Variants in PRDM11 observed in about 807,000 individuals in gnomAD.
PRDM11 encodes the protein PR/SET domain 11.
A neutral mutation model predicts 97.8 loss-of-function variants in PRDM11; 20 were observed. The ratio of observed to expected loss-of-function variants is 0.20; its 90% CI spans 0.14 to 0.30. The LOEUF (loss-of-function observed/expected upper bound fraction) is 0.30, where lower values mean the gene tolerates loss of function less well. Among genes scored for constraint, PRDM11 ranks in the 10% least tolerant of loss-of-function variants. PRDM11 has a pLI of 1.00. For missense variants in PRDM11, 1,139 were observed against 1,555.2 expected (o/e 0.73, Z 4.50); for synonymous variants, 599 against 637.7 (o/e 0.94, Z 0.91).
At position 45,181,814 on chromosome 11, in the gene PRDM11, G is replaced by A; in HGVS notation, c.48G>A (p.Val16=). The change falls in exon 2 of 8, where the codon GTG becomes GTA. Residue 16 remains valine, a synonymous_variant. Transcript: ENST00000683152. ...GCTTGGCCCAGACCAATGCAGCCGT[G>A]GGGGATATGGTGACGGTGGTGAAGA... is the stretch of plus-strand genomic sequence containing the variant. ...KECLAQTNAA[V]GDMVTVVKTE... is the part of the protein sequence containing the mutation. 6.2e-7 allele frequency: 1 copy of A among 1,613,608 alleles called. No homozygotes were observed. The highest frequency in any genetic ancestry group is 8.5e-7 in the Non-Finnish European group (1 of 1,179,952).
At chr11:45,170,832 G>A (rs1238751538) in intron 1 of PRDM11, among the ~76,000 whole-genome samples, 4 of 152,156 alleles carry the variant, frequency 2.6e-5, no homozygotes, top group African/African-American at 9.7e-5. Context: ...GGGAGTAGTG[G>A]CTTAGAGCAG....
intron 1 of PRDM11, among the ~76,000 whole-genome samples, chr11:45,179,499 C>T (rs1355796746): frequency 2.0e-5 from 3 of 152,206 alleles, no homozygotes; most frequent in Non-Finnish European, 4.4e-5. Context: ...GATGGGGGTG[C>T]TTAAACAACA....
At chr11:45,197,478 G>A (rs1159152087) in intron 4 of PRDM11, among the ~76,000 whole-genome samples, 3 of 152,108 alleles carry the variant, frequency 2.0e-5, no homozygotes, top group Non-Finnish European at 4.4e-5. Context: ...TGCTAAAAGG[G>A]TAGATCTTAT....
rs1341986528 is a variant in PRDM11, at chr11:45,224,602, C to G, written c.1128C>G (p.Gly376=). The stretch of plus-strand genomic sequence containing the variant: ...CCCAGGGGGTCTCCAAGGAGCCAGG[C>G]CAATTGGAGGATGAAGAAGAGGAGC... The part of the protein sequence containing the change: ...KVPQGVSKEP[G]QLEDEEEEPS... The change falls in exon 7 of 8, where the codon GGC becomes GGG. Residue 376 remains glycine (G), a synonymous_variant. Transcript: ENST00000683152. The G allele has an allele frequency of 6.2e-7, 1 of 1,613,946 alleles. No individual in the cohort carries two copies. The highest frequency in any genetic ancestry group is 1.3e-5 in the African/African-American group (1 of 74,884).
At position 45,106,458 on chromosome 11, in the gene PRDM11, A is replaced by G. The variant is rs3824893; in HGVS notation, c.96+10557A>G. Reference sequence around the variant, plus strand: ...CTCACGAGCTAGATGTTCTAGTTATACTGCTATGCTACAAACCACCCCAAA... The same window carrying G: ...CTCACGAGCTAGATGTTCTAGTTATGCTGCTATGCTACAAACCACCCCAAA... On this transcript the variant is annotated intron_variant, in intron 1 of 6. Coordinates refer to the PRDM11 transcript ENST00000530656. Among the ~76,000 whole-genome samples, 53 of 152,180 alleles carry G rather than the reference A, an allele frequency of 3.5e-4. No individual in the cohort carries two copies. The East Asian group carries it at 4.2e-3, about 12-fold the overall frequency.
In PRDM11 at chr11:45,171,908, A is replaced by T. The variant is rs180834837; in HGVS notation, c.-6-9853A>T. Among the ~76,000 whole-genome samples the T allele has an allele frequency of 4.6e-5, 7 of 152,112 alleles. No individual in the cohort carries two copies. In the East Asian group the frequency reaches 1.4e-3, roughly 29 times the overall value. ...TCTCCAACCCAACTGGGTGTCCAAC[A>T]ATTCAATTCAATTCAATTCTGTAAC... On this transcript the variant is annotated intron_variant, in intron 1 of 7. Transcript: ENST00000683152.
intron 1 of PRDM11, among the ~76,000 whole-genome samples, chr11:45,137,134 G>GC (rs1365706204): frequency 6.6e-6 from 1 of 151,284 alleles, no homozygotes; most frequent in Non-Finnish European, 1.5e-5. Context: ...CTGCACTTCA[G>GC]CCTGGGCGAG....
In PRDM11 at chr11:45,205,246, G is replaced by T. The variant is rs144159129; in HGVS notation, c.554+468G>T. On this transcript the variant is annotated intron_variant, in intron 5 of 7. Transcript: ENST00000683152. Reference sequence around the variant, plus strand: ...TTTGACAGTGTTGCTGCCTATGTTTGAGTACTTTGAAGTGTCAACTTTACC... The same window carrying T: ...TTTGACAGTGTTGCTGCCTATGTTTTAGTACTTTGAAGTGTCAACTTTACC... Among the ~76,000 whole-genome samples the T allele has an allele frequency of 3.4e-3, 525 of 152,310 alleles. 5 individuals carry two copies. The highest frequency in any genetic ancestry group is 0.012 in the African/African-American group (486 of 41,556).
intron 1 of PRDM11, among the ~76,000 whole-genome samples, chr11:45,132,177 A>G (rs1852735487): frequency 6.6e-6 from 1 of 152,230 alleles, no homozygotes; most frequent in South Asian, 2.1e-4. Flanking sequence ...TCATGATTGG[A>G]TTCCCTGGAG....
intron 5 of PRDM11, among the ~76,000 whole-genome samples, chr11:45,215,402 A>G (rs1853926923): frequency 1.3e-5 from 2 of 152,226 alleles, no homozygotes; most frequent in Non-Finnish European, 2.9e-5. Flanking sequence ...AAGCATGGCC[A>G]TAGAAATGGA....
At chr11:45,192,102 A>T (rs1852936071) in intron 4 of PRDM11, among the ~76,000 whole-genome samples, 1 of 151,974 alleles carries the variant, frequency 6.6e-6, no homozygotes, top group Non-Finnish European at 1.5e-5. Flanking sequence ...GGATGAGTTG[A>T]TGCAAATGTC....
At chr11:45,207,910 C>A (rs1180216538) in intron 5 of PRDM11, among the ~76,000 whole-genome samples, 2 of 152,144 alleles carry the variant, frequency 1.3e-5, no homozygotes, top group Non-Finnish European at 2.9e-5. Flanking sequence ...TCCTCCATAC[C>A]CTCATGTCCT....
At chr11:45,150,220 C>T (rs1225093008) in intron 1 of PRDM11, among the ~76,000 whole-genome samples, 1 of 152,230 alleles carries the variant, frequency 6.6e-6, no homozygotes, top group Non-Finnish European at 1.5e-5. Context: ...CCTCCTCCAT[C>T]TTCACATCCC....
intron 1 of PRDM11, among the ~76,000 whole-genome samples, chr11:45,169,781 G>A (rs1253072479): frequency 6.6e-6 from 1 of 152,188 alleles, no homozygotes; most frequent in East Asian, 1.9e-4. Context: ...CCCAGCACCA[G>A]AGTCCATGCT....
chr11:45,216,006 A>C (rs1301092847), intron 5 of PRDM11: 1 of 152,670 alleles, frequency 6.6e-6, no homozygotes, highest in East Asian at 1.9e-4. Context: ...CAGCTAGAAA[A>C]TATGATGCAC....
intron 1 of PRDM11, among the ~76,000 whole-genome samples, chr11:45,161,807 C>T (rs1025992388): frequency 6.6e-6 from 1 of 152,256 alleles, no homozygotes; most frequent in African/African-American, 2.4e-5. Flanking sequence ...ATGCTGCTGC[C>T]TAAGCAGCTC....
intron 1 of PRDM11, among the ~76,000 whole-genome samples, chr11:45,122,210 C>G (rs531002759): frequency 0.016 from 1,895 of 117,664 alleles, 34 homozygotes; most frequent in African/African-American, 0.055. Context: ...CAGACACACA[C>G]ACACACACAC....
Position 45,226,153 on chromosome 11 carries a change from G to A in PRDM11, c.1528G>A (p.Glu510Lys). The stretch of plus-strand genomic sequence containing the variant: ...GCGCCGAATCCGGCGCTTTAAGCAG[G>A]AATGGCTGAAGAAGTTCTGGTTCCT... Reference protein sequence around the residue: ...TGRRIRRFKQEWLKKFWFLRY... With the variant: ...TGRRIRRFKQKWLKKFWFLRY... The change falls in exon 8 of 8, where the codon GAA becomes AAA. Residue 510 changes from glutamate (E) to lysine (K), a missense_variant. By Grantham distance (56) the Glu-to-Lys change is moderately conservative (BLOSUM62 1). Coordinates refer to ENST00000683152, the MANE Select transcript of PRDM11 (RefSeq NM_001384648.1). 6.5e-7 allele frequency: 1 copy of A among 1,533,472 alleles called. No homozygotes were observed. The highest frequency in any genetic ancestry group is 8.7e-7 in the Non-Finnish European group (1 of 1,146,274). 95.0% of individuals were successfully genotyped at this position (1,533,472 alleles called of 1,614,324 possible). A position where few individuals can be genotyped will look rare whatever the true frequency, so the allele number is the denominator to read the frequency against.
At chr11:45,220,022 G>A (rs770331856) in intron 6 of PRDM11, among the ~76,000 whole-genome samples, 6 of 152,122 alleles carry the variant, frequency 3.9e-5, no homozygotes, top group African/African-American at 9.7e-5. Flanking sequence ...CCCCAAAACC[G>A]AGCAAATATG....
Sources: gnomAD v4.1 joint callset for allele counts (sites outside exome capture counted in the v4.1 genomes callset) on GRCh38, gnomAD v4.1.1 for gene constraint, MANE v1.5 for transcripts, NCBI Gene and HGNC (gene_info 2026-07-23, HGNC 2026-07-21) for gene names.